Variants in TASP1 observed in about 807,000 individuals in gnomAD.
The protein encoded by TASP1 is taspase 1, also known as threonine aspartase 1.
Under a neutral mutation model 56.6 loss-of-function variants are expected in TASP1, and 16 were observed. The observed-to-expected ratio is 0.28, with a 90% confidence interval of 0.19 to 0.43. TASP1 has a LOEUF of 0.43. TASP1 is among the 20% of genes least tolerant of loss of function. TASP1 has a pLI of 1.00. For missense variants in TASP1, 393 were observed against 511.6 expected, an observed-to-expected ratio of 0.77 and a Z score of 2.24; for synonymous variants, 179 against 184.2, an observed-to-expected ratio of 0.97 and a Z score of 0.23.
At chr20:13,449,699 T>C (rs2043544500) in intron 11 of TASP1, among the ~76,000 whole-genome samples, 1 of 152,146 alleles carries the variant, frequency 6.6e-6, no homozygotes, top group East Asian at 1.9e-4. Context: ...TGAGAGGTTA[T>C]ACAGTTACAT....
In TASP1 at chr20:13,422,425, T is replaced by C. The variant is rs369158217; in HGVS notation, c.1097-4904A>G. 3.2e-3 allele frequency among the ~76,000 whole-genome samples: 483 copies of C among 152,262 alleles called. 2 individuals are homozygous for C. The highest frequency in any genetic ancestry group is 0.01 in the East Asian group (53 of 5,188). On this transcript the variant is annotated intron_variant, in intron 12 of 13. Transcript: ENST00000337743. ...CTACTAATTTAGCTGCTTTTCCATC[T>C]TTTCCATTGCTGCATATATAGATGT... is the stretch of plus-strand genomic sequence containing the variant.
the TASP1 span, among the ~76,000 whole-genome samples, chr20:13,140,788 A>G: frequency 6.6e-6 from 1 of 152,234 alleles, no homozygotes; most frequent in Non-Finnish European, 1.5e-5. Context: ...GAGAAAAGAT[A>G]AAGGAAAAAA....
At chr20:13,126,800 C>A in the TASP1 span, 18 of 1,536,298 alleles carry the variant, frequency 1.2e-5, no homozygotes, top group Non-Finnish European at 1.4e-5. Flanking sequence ...CTCAAATACA[C>A]ACCTTTATCT....
At chr20:13,479,117 A>AGTGAGGG (rs2043044335) in intron 11 of TASP1, among the ~76,000 whole-genome samples, 1 of 152,138 alleles carries the variant, frequency 6.6e-6, no homozygotes, top group African/African-American at 2.4e-5. Flanking sequence ...GAAAGCCATA[A>AGTGAGGG]ATATACATAC....
chr20:13,193,424 T>G, the TASP1 span, among the ~76,000 whole-genome samples: 1 of 152,098 alleles, frequency 6.6e-6, no homozygotes, highest in Non-Finnish European at 1.5e-5. Flanking sequence ...GGCATCTCTT[T>G]TACAGAAAAA....
Position 13,580,889 on chromosome 20 carries a change from G to T in TASP1, c.488+8C>A. ...GACAGGGAAAGTCAGGAAGAACAAA[G>T]TGGTTACCAGGGAGGAATTCTGCCA... On this transcript the variant is annotated splice_region_variant and intron_variant, in intron 6 of 13. Transcript: ENST00000337743. 6.2e-7 allele frequency: 1 copy of T among 1,613,174 alleles called. No individual in the cohort carries two copies. The highest frequency in any genetic ancestry group is 1.1e-5 in the South Asian group (1 of 90,988).
At chr20:13,298,331 T>C in the TASP1 span, among the ~76,000 whole-genome samples, 2 of 152,104 alleles carry the variant, frequency 1.3e-5, no homozygotes, top group African/African-American at 4.8e-5. Context: ...GGTCTTAAAC[T>C]CCTGACCTCA....
the TASP1 span, among the ~76,000 whole-genome samples, chr20:13,176,597 G>T: frequency 3.3e-5 from 5 of 151,808 alleles, no homozygotes; most frequent in African/African-American, 1.2e-4. Flanking sequence ...ATCTGTTGTT[G>T]GATTCAGTTA....
At chr20:13,575,918 G>A (rs2046887986) in intron 6 of TASP1, among the ~76,000 whole-genome samples, 1 of 152,008 alleles carries the variant, frequency 6.6e-6, no homozygotes, top group African/African-American at 2.4e-5. Flanking sequence ...TAATATTTAT[G>A]TAAAAAATCT....
At chr20:13,406,857 A>G (rs936916892) in intron 13 of TASP1, among the ~76,000 whole-genome samples, 4 of 151,742 alleles carry the variant, frequency 2.6e-5, no homozygotes, top group Non-Finnish European at 4.4e-5. Context: ...TAGTAGAGAC[A>G]GGGTTTCACT....
At chr20:13,181,386 A>T in the TASP1 span, among the ~76,000 whole-genome samples, 1 of 152,084 alleles carries the variant, frequency 6.6e-6, no homozygotes, top group African/African-American at 2.4e-5. Flanking sequence ...CCTCCCACGT[A>T]AACTCCTGGC....
chr20:13,435,376 G>A (rs2042966040), intron 11 of TASP1, among the ~76,000 whole-genome samples: 1 of 152,160 alleles, frequency 6.6e-6, no homozygotes, highest in Non-Finnish European at 1.5e-5. Context: ...TCAAGAAGAT[G>A]TAAGTGGGGG....
At chr20:13,171,475 A>G in the TASP1 span, among the ~76,000 whole-genome samples, 1 of 152,216 alleles carries the variant, frequency 6.6e-6, no homozygotes, top group African/African-American at 2.4e-5. Flanking sequence ...GACAATTCTA[A>G]GTGGGACCAA....
chr20:13,300,536 T>C, the TASP1 span: 1 of 152,216 alleles, frequency 6.6e-6, no homozygotes, highest in Non-Finnish European at 1.5e-5. Context: ...CAATTGTTAA[T>C]ATGACCTGGT....
chr20:13,463,317 A>C (rs2044127156), intron 11 of TASP1, among the ~76,000 whole-genome samples: 1 of 152,170 alleles, frequency 6.6e-6, no homozygotes, highest in Non-Finnish European at 1.5e-5. Context: ...ATCCACATGC[A>C]AAGGAATTAA....
chr20:13,392,588 T>A (rs2041332170), intron 13 of TASP1: 1 of 352,868 alleles, frequency 2.8e-6, no homozygotes, highest in Admixed American at 3.8e-5. Flanking sequence ...TAGGGCTATG[T>A]TTATGTAAAC....
chr20:13,523,524 C>T (rs1478738202), intron 10 of TASP1, among the ~76,000 whole-genome samples: 1 of 152,130 alleles, frequency 6.6e-6, no homozygotes, highest in African/African-American at 2.4e-5. Context: ...AGAGGAAGAC[C>T]TCTGGTTGTT....
At chr20:13,607,438 G>A (rs191822071) in intron 4 of TASP1, among the ~76,000 whole-genome samples, 2 of 152,198 alleles carry the variant, frequency 1.3e-5, no homozygotes, top group East Asian at 3.9e-4. Context: ...AAGGCTCCAG[G>A]GTATACTGCA....
intron 11 of TASP1, among the ~76,000 whole-genome samples, chr20:13,481,738 T>G (rs1397801822): frequency 6.6e-6 from 1 of 152,206 alleles, no homozygotes; most frequent in African/African-American, 2.4e-5. Context: ...AAATGTCTGT[T>G]CAAATCTTTT....
Sources: allele counts gnomAD v4.1 joint callset (sites outside exome capture counted in the v4.1 genomes callset), GRCh38; gene constraint gnomAD v4.1.1; transcripts MANE v1.5; gene names NCBI Gene and HGNC (gene_info 2026-07-23, HGNC 2026-07-21).